KCNMB2: variants seen among roughly 807,000 people sequenced by gnomAD.
KCNMB2 encodes calcium-activated potassium channel subunit beta-2.
In KCNMB2, 9 loss-of-function variants were observed where a neutral mutation model predicts 24.5. The observed-to-expected ratio is 0.37, with a 90% CI of 0.22 to 0.64. KCNMB2 has a LOEUF of 0.64. KCNMB2 is among the 30% of genes least tolerant of loss of function. KCNMB2 has a pLI of 0.63. For synonymous variants in KCNMB2, 109 were observed against 104.4 expected (o/e 1.04, Z -0.27); for missense variants, 226 against 284.3 (o/e 0.79, Z 1.47).
In KCNMB2 at chr3:178,832,213, CT is replaced by C. The variant is rs767861490; in HGVS notation, c.423+3841del. 9.9e-5 allele frequency among the ~76,000 whole-genome samples: 15 copies of C among 152,044 alleles called. No individual in the cohort carries two copies. The East Asian group carries it at 2.3e-3, about 24-fold the overall frequency. On this transcript the variant is annotated intron_variant, in intron 4 of 4. Transcript: ENST00000452583. ...AAGCATTTTTCATTTTATTTTTCTT[CT>C]GGAAGGACACATTCACTGAGTATAA...
intron 1 of KCNMB2, among the ~76,000 whole-genome samples, chr3:178,699,143 G>A (rs780566224): frequency 4.6e-5 from 7 of 152,246 alleles, no homozygotes; most frequent in African/African-American, 7.2e-5. Context: ...TAGAAGTGGT[G>A]TTGGCTTGGG....
At chr3:178,615,051 G>C (rs78860924) in intron 1 of KCNMB2, among the ~76,000 whole-genome samples, 11,331 of 152,206 alleles carry the variant, frequency 0.074, 519 homozygotes, top group Middle Eastern at 0.2. Flanking sequence ...TCTTGGACAA[G>C]ATTTAGGAGA....
intron 1 of KCNMB2, among the ~76,000 whole-genome samples, chr3:178,695,389 C>T (rs1379818589): frequency 2.6e-5 from 4 of 152,242 alleles, no homozygotes; most frequent in Non-Finnish European, 5.9e-5. Flanking sequence ...TCTGGCTCCT[C>T]GCTACTTATG....
intron 2 of KCNMB2, among the ~76,000 whole-genome samples, chr3:178,814,369 G>A (rs1438189055): frequency 6.6e-6 from 1 of 152,080 alleles, no homozygotes; most frequent in Non-Finnish European, 1.5e-5. Context: ...TACCACATTT[G>A]ATGAACACTT....
chr3:178,695,305 G>A (rs13080206), intron 1 of KCNMB2, among the ~76,000 whole-genome samples: 50,127 of 152,204 alleles, frequency 0.33, 9,015 homozygotes, highest in African/African-American at 0.48. Flanking sequence ...CTCCAGGCCT[G>A]TGATGGAAGG....
intron 1 of KCNMB2, among the ~76,000 whole-genome samples, chr3:178,705,049 G>A (rs1722231871): frequency 6.6e-6 from 1 of 152,002 alleles, no homozygotes. Context: ...CCTTTCTAGG[G>A]TTTTCTAAGC....
intron 2 of KCNMB2, among the ~76,000 whole-genome samples, chr3:178,810,243 G>A (rs558413136): frequency 6.2e-4 from 94 of 152,296 alleles, no homozygotes; most frequent in Middle Eastern, 3.4e-3. Context: ...TTGTCTGACA[G>A]CACTGCCTCA....
At chr3:178,611,054 G>C (rs1718463908) in intron 1 of KCNMB2, among the ~76,000 whole-genome samples, 1 of 152,096 alleles carries the variant, frequency 6.6e-6, no homozygotes. Flanking sequence ...GAGTAGAATT[G>C]GTATTTATTC....
At chr3:178,812,794 G>A (rs964679092) in intron 2 of KCNMB2, among the ~76,000 whole-genome samples, 23 of 151,846 alleles carry the variant, frequency 1.5e-4, no homozygotes, top group Non-Finnish European at 2.5e-4. Context: ...CTGTTCTAGC[G>A]GCCAGTTTTG....
At chr3:178,666,582 G>A (rs1011775863) in intron 1 of KCNMB2, among the ~76,000 whole-genome samples, 5 of 151,996 alleles carry the variant, frequency 3.3e-5, no homozygotes, top group Non-Finnish European at 2.9e-5. Flanking sequence ...GATAAAACTC[G>A]CATATGAAAT....
chr3:178,666,638 T>C (rs753541246), intron 1 of KCNMB2, among the ~76,000 whole-genome samples: 19 of 152,170 alleles, frequency 1.2e-4, no homozygotes, highest in Non-Finnish European at 2.6e-4. Flanking sequence ...TTATTTCACT[T>C]CTAAGTAGAG....
chr3:178,708,038 C>A (rs1393545264), intron 1 of KCNMB2, among the ~76,000 whole-genome samples: 2 of 152,178 alleles, frequency 1.3e-5, no homozygotes, highest in Non-Finnish European at 2.9e-5. Context: ...CTGACTGATT[C>A]ATGAATTGCT....
chr3:178,789,758 G>C (rs1713249293), intron 1 of KCNMB2, among the ~76,000 whole-genome samples: 1 of 152,120 alleles, frequency 6.6e-6, no homozygotes, highest in Admixed American at 6.5e-5. Flanking sequence ...CAGAACCTGA[G>C]TTCCAGCTAG....
intron 1 of KCNMB2, among the ~76,000 whole-genome samples, chr3:178,627,117 A>T (rs1474546508): frequency 6.6e-6 from 1 of 152,002 alleles, no homozygotes; most frequent in Admixed American, 6.6e-5. Flanking sequence ...TGAGTTGGCT[A>T]GATTATTTAT....
At chr3:178,812,344 G>A (rs894828286) in intron 2 of KCNMB2, among the ~76,000 whole-genome samples, 3 of 150,350 alleles carry the variant, frequency 2.0e-5, no homozygotes, top group Admixed American at 6.6e-5. Flanking sequence ...CCATTAACTC[G>A]TCATTTAGCA....
intron 1 of KCNMB2, among the ~76,000 whole-genome samples, chr3:178,587,628 T>G: frequency 6.8e-6 from 1 of 147,480 alleles, no homozygotes; most frequent in East Asian, 2.0e-4. Flanking sequence ...GTATTTTTAG[T>G]AGAGATGGGG....
intron 1 of KCNMB2, among the ~76,000 whole-genome samples, chr3:178,646,363 T>G (rs1224556158): frequency 6.6e-6 from 1 of 152,232 alleles, no homozygotes; most frequent in Non-Finnish European, 1.5e-5. Flanking sequence ...CACATTAATT[T>G]GTTTCCTCTA....
intron 1 of KCNMB2, among the ~76,000 whole-genome samples, chr3:178,623,770 T>A (rs917628053): frequency 1.3e-5 from 2 of 152,220 alleles, no homozygotes; most frequent in Admixed American, 6.5e-5. Flanking sequence ...CCTGTAGATA[T>A]CTACAAATCC....
intron 1 of KCNMB2, among the ~76,000 whole-genome samples, chr3:178,696,635 T>C (rs1721887352): frequency 6.6e-6 from 1 of 152,198 alleles, no homozygotes; most frequent in South Asian, 2.1e-4. Context: ...TCTTATTTTC[T>C]GCTACCTTTT....
Sources: allele counts gnomAD v4.1 joint callset (sites outside exome capture counted in the v4.1 genomes callset), GRCh38; gene constraint gnomAD v4.1.1; transcripts MANE v1.5; gene names NCBI Gene and HGNC (gene_info 2026-07-23, HGNC 2026-07-21).